Variants in TMPRSS12 observed in about 807,000 individuals in gnomAD.
TMPRSS12 encodes the protein transmembrane serine protease 12.
In TMPRSS12, 25 loss-of-function variants were observed where a neutral mutation model predicts 26.0. The observed-to-expected ratio is 0.96, with a 90% CI of 0.70 to 1.34. TMPRSS12 has a LOEUF of 1.34. TMPRSS12 is among the 40% of genes most tolerant of loss of function. The probability of loss-of-function intolerance (pLI) is 0.00; values close to 1 mark genes in which losing one functional copy is unlikely to be tolerated. For missense variants in TMPRSS12, 441 were observed against 440.1 expected (o/e 1.00, Z -0.02); for synonymous variants, 150 against 161.7 (o/e 0.93, Z 0.55).
chr12:50,870,338 T>TAAA (rs59049023), intron 3 of TMPRSS12, among the ~76,000 whole-genome samples: 9 of 149,498 alleles, frequency 6.0e-5, no homozygotes, highest in African/African-American at 2.2e-4. Flanking sequence ...TACACAGAAT[T>TAAA]AAAAAAAAAA....
intron 3 of TMPRSS12, 123 bp downstream of exon 3, chr12:50,859,176 C>T (rs1344084512): frequency 3.1e-5 from 26 of 836,068 alleles, no homozygotes; most frequent in East Asian, 2.0e-4. Flanking sequence ...ACCACACACA[C>T]GATGGTGGTC....
Position 50,858,814 on chromosome 12 carries a change from G to A in TMPRSS12, c.413G>A (p.Gly138Glu). The A allele has an allele frequency of 1.2e-6, 2 of 1,603,390 alleles. No homozygotes were observed. The highest frequency in any genetic ancestry group is 1.7e-6 in the Non-Finnish European group (2 of 1,175,882). Reference sequence around the variant, plus strand: ...CCTTTAATGTGGACAGCTGTGATTGGAACTAATAATATACATGGACGCTAT... The same window carrying A: ...CCTTTAATGTGGACAGCTGTGATTGAAACTAATAATATACATGGACGCTAT... ...SDPLMWTAVI[G>E]TNNIHGRYPH... Residue 138 changes from glycine to glutamate, a missense_variant, in exon 3 of 5, where the codon GGA becomes GAA. Gly to Glu is a moderately conservative substitution (Grantham distance 98). Transcript: ENST00000398458.
intron 3 of TMPRSS12, among the ~76,000 whole-genome samples, chr12:50,878,531 T>C (rs1273284510): frequency 6.6e-6 from 1 of 152,136 alleles, no homozygotes; most frequent in Non-Finnish European, 1.5e-5. Context: ...TGAGCCATGA[T>C]CATGTCACTG....
At chr12:50,872,477 C>A (rs1425383444) in intron 3 of TMPRSS12, among the ~76,000 whole-genome samples, 1 of 121,456 alleles carries the variant, frequency 8.2e-6, no homozygotes, top group Non-Finnish European at 1.6e-5. Context: ...TGCGCCACTG[C>A]AGTCCGCAGT....
chr12:50,876,241 C>A (rs1399323446), intron 3 of TMPRSS12, among the ~76,000 whole-genome samples: 2 of 152,002 alleles, frequency 1.3e-5, no homozygotes, highest in South Asian at 2.1e-4. Context: ...GCTAAAAAAA[C>A]CAAAAAACAT....
intron 3 of TMPRSS12, among the ~76,000 whole-genome samples, chr12:50,884,632 G>A (rs978394629): frequency 1.3e-5 from 2 of 152,154 alleles, no homozygotes; most frequent in African/African-American, 4.8e-5. Flanking sequence ...AGCACTTTGG[G>A]AGGCCGAGAT....
intron 3 of TMPRSS12, among the ~76,000 whole-genome samples, chr12:50,880,286 G>T (rs974354616): frequency 6.6e-6 from 1 of 152,156 alleles, no homozygotes; most frequent in African/African-American, 2.4e-5. Context: ...TACTTGAGAG[G>T]CTAACACACA....
intron 2 of TMPRSS12, 107 bp downstream of exon 2, chr12:50,844,144 C>T (rs1031374333): frequency 2.3e-6 from 2 of 887,996 alleles, no homozygotes; most frequent in Non-Finnish European, 3.3e-6. Flanking sequence ...TTGCAAATAG[C>T]CATAATGCCT....
intron 3 of TMPRSS12, among the ~76,000 whole-genome samples, chr12:50,874,332 C>G (rs911128168): frequency 2.0e-4 from 31 of 151,974 alleles, no homozygotes; most frequent in African/African-American, 7.2e-4. Flanking sequence ...TGTTAGCAAA[C>G]TGAATACAGC....
rs745770535 is a variant in TMPRSS12 at position 50,885,542 on chromosome 12, C to A, written c.795+154C>A. ...TTTTAACTATTTCAACAATCCAAATCTTCTTGGTTCCTGATTCCATGGTTT... is the reference window on the plus strand; with the variant it reads ...TTTTAACTATTTCAACAATCCAAATATTCTTGGTTCCTGATTCCATGGTTT... On this transcript the variant is annotated intron_variant, in intron 4 of 4. Transcript: ENST00000398458. 7.5e-6 allele frequency: 7 copies of A among 932,052 alleles called. No individual in the cohort carries two copies. The Middle Eastern group carries it at 6.5e-4, about 86-fold the overall frequency. The allele number at this position is 932,052 out of a possible 1,614,324, so 57.7% of individuals were successfully genotyped here.
intron 3 of TMPRSS12, among the ~76,000 whole-genome samples, chr12:50,872,573 A>G (rs111691048): frequency 0.23 from 24,107 of 103,248 alleles, 4,470 homozygotes; most frequent in East Asian, 0.33. Flanking sequence ...TATATATGCC[A>G]TATATATGTA....
intron 2 of TMPRSS12, among the ~76,000 whole-genome samples, chr12:50,849,575 G>A (rs1320269099): frequency 5.9e-5 from 9 of 151,948 alleles, no homozygotes; most frequent in African/African-American, 2.2e-4. Context: ...CCATTGATCT[G>A]TTGTCTATCC....
intron 3 of TMPRSS12, among the ~76,000 whole-genome samples, chr12:50,876,772 C>T (rs1938117274): frequency 7.4e-6 from 1 of 134,866 alleles, no homozygotes; most frequent in Non-Finnish European, 1.5e-5. Context: ...CCACTGCACT[C>T]CAGCCTGGGT....
chr12:50,861,956 C>T (rs1004384748), intron 3 of TMPRSS12, among the ~76,000 whole-genome samples: 2 of 152,028 alleles, frequency 1.3e-5, no homozygotes, highest in South Asian at 2.1e-4. Context: ...ACTACGGGCA[C>T]GTGCCACCAC....
intron 3 of TMPRSS12, among the ~76,000 whole-genome samples, 178 bp downstream of exon 3, chr12:50,859,231 T>G (rs1243458614): frequency 2.0e-5 from 3 of 151,972 alleles, no homozygotes; most frequent in Non-Finnish European, 1.5e-5. Flanking sequence ...TTTTTTTTTT[T>G]TCCAGACAGA....
intron 3 of TMPRSS12, among the ~76,000 whole-genome samples, chr12:50,872,246 G>T (rs1230732337): frequency 6.6e-6 from 1 of 152,102 alleles, no homozygotes; most frequent in Admixed American, 6.6e-5. Flanking sequence ...GGGCGCGGTG[G>T]CTCACGCCTG....
At chr12:50,869,157 G>A (rs1013710265) in intron 3 of TMPRSS12, among the ~76,000 whole-genome samples, 1 of 127,496 alleles carries the variant, frequency 7.8e-6, no homozygotes, top group African/African-American at 2.9e-5. Flanking sequence ...GATCAGAGCA[G>A]AACTAAATGA....
At position 50,857,963 on chromosome 12, in the gene TMPRSS12, G is replaced by A. The variant is rs561558513; in HGVS notation, c.384-822G>A. On this transcript the variant is annotated intron_variant, in intron 2 of 4. Transcript: ENST00000398458. ...CCTGCCTCAGCCTCCCGAGTAGCTG[G>A]AACTACAGGTGTCCGCCATCACGCC... Among the ~76,000 whole-genome samples the A allele has an allele frequency of 3.9e-4, 60 of 152,140 alleles. 3 individuals are homozygous for A. The South Asian group carries it at 7.5e-3, about 19-fold the overall frequency.
chr12:50,876,914 G>A (rs1280211777), intron 3 of TMPRSS12, among the ~76,000 whole-genome samples: 4 of 151,902 alleles, frequency 2.6e-5, no homozygotes, highest in Non-Finnish European at 5.9e-5. Flanking sequence ...CAGCATGAAT[G>A]GAGTTGGAGG....
Sources: allele counts gnomAD v4.1 joint callset (sites outside exome capture counted in the v4.1 genomes callset), GRCh38; gene constraint gnomAD v4.1.1; transcripts MANE v1.5; gene names NCBI Gene and HGNC (gene_info 2026-07-23, HGNC 2026-07-21).